The following ABHD17B variants were observed in gnomAD, a reference collection of about 807,000 sequenced individuals.
The protein encoded by ABHD17B is abhydrolase domain containing 17B, depalmitoylase.
Under a neutral mutation model 26.2 loss-of-function variants are expected in ABHD17B, and 9 were observed. That is an observed-to-expected ratio of 0.34 (90% CI 0.21 to 0.60). ABHD17B has a LOEUF of 0.60. ABHD17B is among the 20% of genes least tolerant of loss of function. The pLI, the probability that ABHD17B is intolerant of heterozygous loss-of-function variation, is 0.80. For missense variants in ABHD17B, 224 were observed against 352.1 expected, an observed-to-expected ratio of 0.64 and a Z score of 2.91; for synonymous variants, 127 against 122.3, an observed-to-expected ratio of 1.04 and a Z score of -0.25.
chr9:71,883,010 G>A (rs1826494626), intron 1 of ABHD17B, among the ~76,000 whole-genome samples: 1 of 130,414 alleles, frequency 7.7e-6, no homozygotes, highest in Non-Finnish European at 1.6e-5. Flanking sequence ...CAGGCATGGT[G>A]GCACACACCT....
At chr9:71,881,773 C>G (rs1826448141) in intron 1 of ABHD17B, among the ~76,000 whole-genome samples, 1 of 152,000 alleles carries the variant, frequency 6.6e-6, no homozygotes. Context: ...GTATTCCCAG[C>G]TACTCGGGAG....
chr9:71,893,711 T>C (rs1826865119), intron 1 of ABHD17B, among the ~76,000 whole-genome samples: 1 of 152,218 alleles, frequency 6.6e-6, no homozygotes, highest in African/African-American at 2.4e-5. Context: ...CCCAACCCTC[T>C]AATCCTGCCT....
intron 2 of ABHD17B, among the ~76,000 whole-genome samples, chr9:71,870,715 T>C (rs17057238): frequency 0.011 from 1,621 of 152,298 alleles, 30 homozygotes; most frequent in African/African-American, 0.036. Flanking sequence ...ATTGGTCATA[T>C]TGATGAACTG....
chr9:71,872,712 C>T (rs1200727025), intron 2 of ABHD17B, among the ~76,000 whole-genome samples: 1 of 152,064 alleles, frequency 6.6e-6, no homozygotes, highest in African/African-American at 2.4e-5. Flanking sequence ...AACTGACTGA[C>T]TCTAAAAAGT....
Position 71,865,858 on chromosome 9 carries a change from C to T in ABHD17B, c.*929G>A. ...CCTCAGTGACACAGCAAGACTCCAT[C>T]TCAAAAAATGAAAAAAATAGCCAAA... On this transcript the variant is annotated 3_prime_UTR_variant, in exon 4 of 4. Transcript: ENST00000333421. The T allele has an allele frequency of 1.0e-6, 1 of 982,150 alleles. No individual in the cohort carries two copies. Among genetic ancestry groups the T allele is most frequent in the Non-Finnish European group, 1.2e-6 (1 of 827,082 alleles). 60.8% of individuals were successfully genotyped at this position (982,150 alleles called of 1,614,324 possible). A position where few individuals can be genotyped will look rare whatever the true frequency, so the allele number is the denominator to read the frequency against.
chr9:71,894,820 C>A (rs750208838), intron 1 of ABHD17B, among the ~76,000 whole-genome samples: 1 of 151,424 alleles, frequency 6.6e-6, no homozygotes, highest in South Asian at 2.1e-4. Flanking sequence ...AGCAAGAACA[C>A]GTCTCCTAAA....
intron 2 of ABHD17B, among the ~76,000 whole-genome samples, chr9:71,871,659 A>AAG (rs989966548): frequency 7.2e-5 from 11 of 152,234 alleles, no homozygotes; most frequent in Non-Finnish European, 1.0e-4. Flanking sequence ...GAGGGGACTC[A>AAG]CAAGAGTAAC....
chr9:71,901,101 G>C (rs1343126927), intron 1 of ABHD17B, among the ~76,000 whole-genome samples: 1 of 151,852 alleles, frequency 6.6e-6, no homozygotes, highest in Non-Finnish European at 1.5e-5. Flanking sequence ...GCAGTGAGCC[G>C]AGATCGTGCC....
chr9:71,862,799 T>A (rs77046484), downstream of ABHD17B, among the ~76,000 whole-genome samples: 1,424 of 152,296 alleles, frequency 9.4e-3, 23 homozygotes, highest in African/African-American at 0.033. Context: ...TAATTATTTT[T>A]GCAGAGACAG....
chr9:71,876,793 A>T (rs1167901935), intron 1 of ABHD17B, among the ~76,000 whole-genome samples: 1 of 152,212 alleles, frequency 6.6e-6, no homozygotes, highest in Non-Finnish European at 1.5e-5. Context: ...GTTTATAAGA[A>T]GCAGCAGAAA....
rs748324829 is a variant in ABHD17B at position 71,870,145 on chromosome 9, A to C, written c.585T>G (p.Thr195=). ...CAGGAAAGGCAACTCGCATTCCCGAAGTCAGAGGAGAATGAAGAATAACAG... is the reference window on the plus strand; with the variant it reads ...CAGGAAAGGCAACTCGCATTCCCGACGTCAGAGGAGAATGAAGAATAACAG... ...SAAVILHSPL[T]SGMRVAFPDT... is the part of the protein sequence containing the mutation. Residue 195 remains threonine, a synonymous_variant, in exon 3 of 4, where the codon ACT becomes ACG. Coordinates refer to ENST00000333421, the MANE Select transcript of ABHD17B (RefSeq NM_001025780.3). 1 of 1,614,156 alleles carries C rather than the reference A, an allele frequency of 6.2e-7. No homozygotes were observed. The highest frequency in any genetic ancestry group is 1.1e-5 in the South Asian group (1 of 91,080).
chr9:71,888,741 T>C (rs2132173325), intron 1 of ABHD17B, among the ~76,000 whole-genome samples: 1 of 152,194 alleles, frequency 6.6e-6, no homozygotes, highest in Middle Eastern at 3.4e-3. Context: ...ATACAGCATA[T>C]GAGCATGGAC....
chr9:71,886,817 GAC>G (rs2132169601), intron 1 of ABHD17B, among the ~76,000 whole-genome samples: 1 of 152,264 alleles, frequency 6.6e-6, no homozygotes, highest in African/African-American at 2.4e-5. Context: ...TCTGCTTGAA[GAC>G]ACAAACTGGA....
intron 1 of ABHD17B, among the ~76,000 whole-genome samples, chr9:71,890,389 G>C (rs1826746942): frequency 6.6e-6 from 1 of 152,164 alleles, no homozygotes; most frequent in Admixed American, 6.5e-5. Flanking sequence ...TATAACTTTA[G>C]ATATTATAGC....
At chr9:71,879,113 G>T (rs1826365570) in intron 1 of ABHD17B, among the ~76,000 whole-genome samples, 1 of 152,278 alleles carries the variant, frequency 6.6e-6, no homozygotes, top group East Asian at 1.9e-4. Context: ...CTGTGATAGA[G>T]CCACTACACT....
Position 71,866,460 on chromosome 9 carries a change from T to C in ABHD17B, c.*327A>G. ...GAGATGTTTTAAAAATATTTATAAA[T>C]TTGTTTCTAGTATGCAAAAGCATTT... On this transcript the variant is annotated 3_prime_UTR_variant, in exon 4 of 4. Coordinates refer to ENST00000333421, the MANE Select transcript of ABHD17B (RefSeq NM_001025780.3). The C allele has an allele frequency of 9.8e-7, 1 of 1,018,662 alleles. No individual in the cohort carries two copies. The highest frequency in any genetic ancestry group is 1.2e-6 in the Non-Finnish European group (1 of 844,190). 63.1% of individuals were successfully genotyped at this position (1,018,662 alleles called of 1,614,324 possible).
intron 3 of ABHD17B, among the ~76,000 whole-genome samples, chr9:71,867,281 T>C (rs561050888): frequency 6.6e-6 from 1 of 152,348 alleles, no homozygotes; most frequent in East Asian, 1.9e-4. Context: ...CTTTCTACAA[T>C]GTTGACTTTT....
rs563759758 is a variant in ABHD17B at position 71,881,254 on chromosome 9, C to G, written c.-3-6171G>C. ...AATTCAATGGTGAAAGAAGTGTTTT[C>G]AACAAATGGTGCTAGGGCAACATAA... is the stretch of plus-strand genomic sequence containing the variant. On this transcript the variant is annotated intron_variant, in intron 1 of 3. Coordinates refer to ENST00000333421, the MANE Select transcript of ABHD17B (RefSeq NM_001025780.3). Among the ~76,000 whole-genome samples the G allele has an allele frequency of 5.9e-5, 9 of 152,194 alleles. No individual in the cohort carries two copies. The South Asian group carries it at 1.9e-3, about 32-fold the overall frequency.
intron 1 of ABHD17B, among the ~76,000 whole-genome samples, chr9:71,905,940 G>C (rs890382971): frequency 6.6e-6 from 1 of 152,052 alleles, no homozygotes; most frequent in Non-Finnish European, 1.5e-5. Flanking sequence ...CCAGCCACTC[G>C]GGAAGCCCAG....
Sources: gnomAD v4.1 joint callset for allele counts (sites outside exome capture counted in the v4.1 genomes callset) on GRCh38, gnomAD v4.1.1 for gene constraint, MANE v1.5 for transcripts, NCBI Gene and HGNC (gene_info 2026-07-23, HGNC 2026-07-21) for gene names.